The following LARGE1 variants were observed in gnomAD, a reference collection of about 807,000 sequenced individuals.
LARGE1 encodes the protein LARGE xylosyl- and glucuronyltransferase 1.
LARGE1 carries 43 observed loss-of-function variants against 87.6 expected under a neutral mutation model. That is an observed-to-expected ratio of 0.49 (90% confidence interval 0.38 to 0.63). The LOEUF (loss-of-function observed/expected upper bound fraction) is 0.63, where lower values mean the gene tolerates loss of function less well. Ranked by LOEUF, LARGE1 falls within the 30% of genes least tolerant of loss-of-function variation. The pLI is 0.00. For missense variants in LARGE1, 802 were observed against 1,000.2 expected (o/e 0.80, Z 2.67); for synonymous variants, 434 against 394.6 (o/e 1.10, Z -1.18).
chr22:33,225,561 TTTC>T (rs1925689796), intron 11 of LARGE1, among the ~76,000 whole-genome samples: 1 of 152,208 alleles, frequency 6.6e-6, no homozygotes, highest in South Asian at 2.1e-4. Context: ...CTTTATTTTC[TTTC>T]TTTTTTTAAA....
At chr22:33,360,529 T>G (rs1292676622) in intron 9 of LARGE1, among the ~76,000 whole-genome samples, 1 of 148,874 alleles carries the variant, frequency 6.7e-6, no homozygotes, top group East Asian at 1.9e-4. Context: ...CTATACACTT[T>G]TAAACAATCG....
chr22:33,781,023 C>T (rs1227407792), intron 1 of LARGE1, among the ~76,000 whole-genome samples: 1 of 152,232 alleles, frequency 6.6e-6, no homozygotes, highest in Non-Finnish European at 1.5e-5. Context: ...AAGCTAAATG[C>T]TTTCCATTTT....
chr22:33,453,218 C>T (rs1227921515), intron 6 of LARGE1, among the ~76,000 whole-genome samples: 2 of 152,102 alleles, frequency 1.3e-5, no homozygotes, highest in African/African-American at 4.8e-5. Context: ...AGTTCGAGAC[C>T]AGCCTGGCCA....
intron 4 of LARGE1, among the ~76,000 whole-genome samples, chr22:33,612,068 A>C (rs1410813689): frequency 6.6e-6 from 1 of 152,110 alleles, no homozygotes; most frequent in Non-Finnish European, 1.5e-5. Flanking sequence ...AGCCAATTAA[A>C]TCTCTTTTCT....
At chr22:33,669,114 C>A (rs1342679496) in intron 2 of LARGE1, among the ~76,000 whole-genome samples, 1 of 152,222 alleles carries the variant, frequency 6.6e-6, no homozygotes, top group Non-Finnish European at 1.5e-5. Context: ...TGAGCCATTA[C>A]AAAGGAGGAC....
chr22:33,385,720 G>A (rs73405312), intron 7 of LARGE1, among the ~76,000 whole-genome samples: 2,814 of 147,910 alleles, frequency 0.019, 183 homozygotes, highest in African/African-American at 0.064. Context: ...ACAAAAAGCC[G>A]AGAGAATTTC....
chr22:33,432,734 G>A (rs959783032), intron 6 of LARGE1, among the ~76,000 whole-genome samples: 1 of 152,170 alleles, frequency 6.6e-6, no homozygotes, highest in Non-Finnish European at 1.5e-5. Context: ...GACTGGGATT[G>A]GTTTCTCACG....
chr22:33,842,909 CAAACAAAACAAAACAAAACA>C (rs138595293), intron 1 of LARGE1, among the ~76,000 whole-genome samples: 122 of 146,596 alleles, frequency 8.3e-4, no homozygotes, highest in East Asian at 5.3e-3. Context: ...CATTCTAGCA[CAAACAAAACAAAACAAAACA>C]AAACAAAACA....
chr22:33,826,284 C>T lies in LARGE1; in HGVS notation c.-82-64726G>A, dbSNP rs79485121. On this transcript the variant is annotated intron_variant, in intron 1 of 14. Coordinates refer to ENST00000397394, the MANE Select transcript of LARGE1 (RefSeq NM_133642.5). ...TCCTTGACCTGTGGCTGCATGACTG[C>T]AGTCTCTACCCTCAGGGTCACACTG... is the stretch of plus-strand genomic sequence containing the variant. Among the ~76,000 whole-genome samples the T allele has an allele frequency of 6.6e-3, 999 of 151,984 alleles. 9 individuals are homozygous for T. The highest frequency in any genetic ancestry group is 0.023 in the African/African-American group (955 of 41,426).
chr22:33,441,278 T>C (rs2067466655), intron 6 of LARGE1, among the ~76,000 whole-genome samples: 1 of 152,000 alleles, frequency 6.6e-6, no homozygotes, highest in Non-Finnish European at 1.5e-5. Flanking sequence ...TTCATCATGT[T>C]GGCCAGGCTA....
At chr22:33,352,848 A>C (rs1283063606) in intron 9 of LARGE1, among the ~76,000 whole-genome samples, 1 of 152,242 alleles carries the variant, frequency 6.6e-6, no homozygotes, top group Non-Finnish European at 1.5e-5. Flanking sequence ...GCTACCTTTT[A>C]AACTTTTAAG....
chr22:33,112,464 C>A, the LARGE1 span, among the ~76,000 whole-genome samples: 1 of 152,156 alleles, frequency 6.6e-6, no homozygotes, highest in African/African-American at 2.4e-5. Context: ...AAGATGGAAG[C>A]GACTATTACC....
intron 12 of LARGE1, among the ~76,000 whole-genome samples, chr22:33,299,538 C>T (rs1037790642): frequency 1.3e-5 from 2 of 152,146 alleles, no homozygotes; most frequent in South Asian, 4.1e-4. Context: ...GCTACCCAGG[C>T]TGCACAGAAG....
the LARGE1 span, among the ~76,000 whole-genome samples, chr22:33,111,925 C>G: frequency 6.6e-6 from 1 of 152,112 alleles, no homozygotes; most frequent in African/African-American, 2.4e-5. Context: ...ACTGAGGGAA[C>G]AGACAGTGGA....
At chr22:33,845,349 C>T (rs1325288921) in intron 1 of LARGE1, among the ~76,000 whole-genome samples, 1 of 152,124 alleles carries the variant, frequency 6.6e-6, no homozygotes, top group Non-Finnish European at 1.5e-5. Context: ...ACTCTTGTTG[C>T]CCAGGCTGGA....
At chr22:33,504,288 C>T (rs2070657319) in intron 6 of LARGE1, among the ~76,000 whole-genome samples, 1 of 152,176 alleles carries the variant, frequency 6.6e-6, no homozygotes, top group Non-Finnish European at 1.5e-5. Flanking sequence ...TAGACAGAGT[C>T]TTGCTCTGTT....
rs1336131922 is a variant in LARGE1 at position 33,273,746 on chromosome 22, A to G, written c.*681T>C. 2.5e-6 allele frequency: 1 copy of G among 398,312 alleles called. No homozygotes were observed. Among genetic ancestry groups the G allele is most frequent in the East Asian group, 3.6e-5 (1 of 28,088 alleles). 24.7% of individuals were successfully genotyped at this position (398,312 alleles called of 1,614,324 possible). On this transcript the variant is annotated 3_prime_UTR_variant, in exon 15 of 15. Transcript: ENST00000397394. ...GTAGAGGCAGCTGATTTTCCTTTAG[A>G]GCCTCAAAGGATCAGATTTTCTATT...
chr22:33,699,791 T>C (rs1200269313), intron 2 of LARGE1, among the ~76,000 whole-genome samples: 1 of 152,192 alleles, frequency 6.6e-6, no homozygotes, highest in African/African-American at 2.4e-5. Flanking sequence ...ATTTCTTGGC[T>C]TTATGTAAAA....
intron 11 of LARGE1, among the ~76,000 whole-genome samples, chr22:33,215,401 C>T (rs1234963698): frequency 6.6e-6 from 1 of 151,890 alleles, no homozygotes; most frequent in African/African-American, 2.4e-5. Context: ...CTATTTTTGC[C>T]CATTTTCCTA....
Sources: allele counts gnomAD v4.1 joint callset (sites outside exome capture counted in the v4.1 genomes callset), GRCh38; gene constraint gnomAD v4.1.1; transcripts MANE v1.5; gene names NCBI Gene and HGNC (gene_info 2026-07-23, HGNC 2026-07-21).